The following EXOC6B variants were observed in gnomAD, a reference collection of about 807,000 sequenced individuals.
EXOC6B encodes the protein exocyst complex component 6B.
Under a neutral mutation model 113.5 loss-of-function variants are expected in EXOC6B, and 54 were observed. That is an observed-to-expected ratio of 0.48 (90% CI 0.38 to 0.60). The LOEUF (loss-of-function observed/expected upper bound fraction) is 0.60, where lower values mean the gene tolerates loss of function less well. EXOC6B is among the 20% of genes least tolerant of loss of function. The pLI is 0.00. For synonymous variants in EXOC6B, 357 were observed against 339.0 expected (o/e 1.05, Z -0.58); for missense variants, 797 against 977.5 (o/e 0.82, Z 2.46).
intron 20 of EXOC6B, among the ~76,000 whole-genome samples, chr2:72,333,833 T>A (rs1306522630): frequency 6.6e-6 from 1 of 152,102 alleles, no homozygotes; most frequent in African/African-American, 2.4e-5. Flanking sequence ...AGATGACAGA[T>A]TACACCACCC....
Position 72,693,469 on chromosome 2 carries a change from C to G in EXOC6B, c.669+24634G>C, listed in dbSNP as rs147062374. 4.3e-4 allele frequency among the ~76,000 whole-genome samples: 65 copies of G among 152,134 alleles called. 2 individuals are homozygous for G. In the East Asian group the frequency reaches 0.012, roughly 28 times the overall value. ...CTGCTGTGTATAGCTCTTTTCTTTG[C>G]CTATGAAGTTGTTTAAATTATGCCT... On this transcript the variant is annotated intron_variant, in intron 6 of 21. Transcript: ENST00000272427.
At position 72,229,154 on chromosome 2, in the gene EXOC6B, G is replaced by A. The variant is rs974157834; in HGVS notation, c.2197-44967C>T. ...TAAATTTGTTTCAAATAAATCTCAG[G>A]TTTCTTAGTATGAGTGACTGATTGA... is the stretch of plus-strand genomic sequence containing the variant. On this transcript the variant is annotated intron_variant, in intron 20 of 21. Coordinates refer to ENST00000272427, the MANE Select transcript of EXOC6B (RefSeq NM_015189.3). Among the ~76,000 whole-genome samples, 51 of 152,166 alleles carry A rather than the reference G, an allele frequency of 3.4e-4. 1 individual carries two copies. Among genetic ancestry groups the A allele is most frequent in the Middle Eastern group, 6.8e-3 (2 of 294 alleles).
At chr2:72,632,657 T>A (rs1445909575) in intron 6 of EXOC6B, among the ~76,000 whole-genome samples, 1 of 152,180 alleles carries the variant, frequency 6.6e-6, no homozygotes, top group Non-Finnish European at 1.5e-5. Context: ...AAAATACTTA[T>A]AAGTAAGTCT....
intron 6 of EXOC6B, among the ~76,000 whole-genome samples, chr2:72,674,751 A>G (rs1676166890): frequency 1.3e-5 from 2 of 152,086 alleles, no homozygotes; most frequent in South Asian, 2.1e-4. Context: ...GTGAGCCGAG[A>G]TGGCACCACT....
intron 6 of EXOC6B, among the ~76,000 whole-genome samples, chr2:72,630,557 A>G (rs759310810): frequency 9.2e-5 from 14 of 152,136 alleles, no homozygotes; most frequent in Middle Eastern, 3.2e-3. Context: ...CATGATCATG[A>G]CTTCTTCTCC....
At chr2:72,639,769 A>T (rs1381515520) in intron 6 of EXOC6B, among the ~76,000 whole-genome samples, 1 of 152,190 alleles carries the variant, frequency 6.6e-6, no homozygotes, top group Non-Finnish European at 1.5e-5. Flanking sequence ...TTGGCCCCCT[A>T]AAATCTTCCA....
intron 6 of EXOC6B, among the ~76,000 whole-genome samples, chr2:72,666,257 CA>C (rs1675380959): frequency 6.6e-6 from 1 of 152,152 alleles, no homozygotes; most frequent in East Asian, 1.9e-4. Context: ...AGAAAACTGA[CA>C]AAGAAACTCT....
At chr2:72,361,756 A>T (rs910294300) in intron 19 of EXOC6B, among the ~76,000 whole-genome samples, 13 of 152,168 alleles carry the variant, frequency 8.5e-5, no homozygotes, top group African/African-American at 2.9e-4. Context: ...CTCACACCTG[A>T]GTCAGAGGAG....
chr2:72,798,299 A>T (rs1299393316), intron 1 of EXOC6B, among the ~76,000 whole-genome samples: 3 of 152,124 alleles, frequency 2.0e-5, no homozygotes, highest in Non-Finnish European at 2.9e-5. Context: ...ATTACATCTA[A>T]TTTTTAACAA....
intron 6 of EXOC6B, among the ~76,000 whole-genome samples, chr2:72,590,227 T>G (rs1282266680): frequency 1.3e-5 from 2 of 151,982 alleles, no homozygotes; most frequent in Non-Finnish European, 2.9e-5. Context: ...CAAAGAAATT[T>G]TGATTATGAT....
At chr2:72,461,214 G>C (rs1484367905) in intron 18 of EXOC6B, among the ~76,000 whole-genome samples, 1 of 106,040 alleles carries the variant, frequency 9.4e-6, no homozygotes, top group African/African-American at 3.5e-5. Flanking sequence ...GTTGTGGGGT[G>C]GGGGGAGGGG....
At position 72,310,850 on chromosome 2, in the gene EXOC6B, AACACAC is replaced by A. The variant is rs375159478; in HGVS notation, c.2196+24091_2196+24096del. On this transcript the variant is annotated intron_variant, in intron 20 of 21. Transcript: ENST00000272427. The stretch of plus-strand genomic sequence containing the variant: ...GCATTTTACATGTGTTATTTCATTT[AACACAC>A]ACACACACACACACACACACACACA... Among the ~76,000 whole-genome samples the A allele has an allele frequency of 6.1e-3, 736 of 120,344 alleles. 5 individuals are homozygous for A. The highest frequency in any genetic ancestry group is 0.013 in the East Asian group (64 of 4,776). 79.0% of individuals were successfully genotyped at this position (120,344 alleles called of 152,430 possible). A position where few individuals can be genotyped will look rare whatever the true frequency, so the allele number is the denominator to read the frequency against.
chr2:72,216,820 A>G (rs1250679341), intron 20 of EXOC6B, among the ~76,000 whole-genome samples: 1 of 152,128 alleles, frequency 6.6e-6, no homozygotes, highest in African/African-American at 2.4e-5. Flanking sequence ...CAAACACCAC[A>G]TGTTCTCATT....
chr2:72,512,991 T>C (rs528725797), intron 11 of EXOC6B, 141 bp downstream of exon 11: 52 of 954,028 alleles, frequency 5.5e-5, no homozygotes, highest in Non-Finnish European at 6.8e-5. Context: ...TTGAAGCAGC[T>C]ACTTCTATGT....
At chr2:72,216,628 A>AT (rs1430762135) in intron 20 of EXOC6B, among the ~76,000 whole-genome samples, 1 of 152,206 alleles carries the variant, frequency 6.6e-6, no homozygotes, top group Non-Finnish European at 1.5e-5. Flanking sequence ...CACTATTCCA[A>AT]TAGCAAAGAC....
At chr2:72,785,312 T>C (rs367948968) in intron 1 of EXOC6B, among the ~76,000 whole-genome samples, 13 of 152,302 alleles carry the variant, frequency 8.5e-5, no homozygotes, top group African/African-American at 2.9e-4. Context: ...GGATCTATCA[T>C]TCTGGGGTCT....
chr2:72,650,419 G>T (rs1674075555), intron 6 of EXOC6B, among the ~76,000 whole-genome samples: 1 of 152,104 alleles, frequency 6.6e-6, no homozygotes, highest in South Asian at 2.1e-4. Context: ...GGCTAACACG[G>T]GGAAACCCCG....
chr2:72,230,543 A>T (rs1681553961), intron 20 of EXOC6B, among the ~76,000 whole-genome samples: 1 of 152,296 alleles, frequency 6.6e-6, no homozygotes, highest in East Asian at 1.9e-4. Flanking sequence ...AATACATAAC[A>T]ATGGATCCCC....
intron 1 of EXOC6B, among the ~76,000 whole-genome samples, chr2:72,754,396 CT>C (rs1468473533): frequency 1.3e-5 from 2 of 150,866 alleles, no homozygotes; most frequent in African/African-American, 4.9e-5. Flanking sequence ...ACACCAATTT[CT>C]TTTTTTTTCT....
Sources: allele counts gnomAD v4.1 joint callset (sites outside exome capture counted in the v4.1 genomes callset), GRCh38; gene constraint gnomAD v4.1.1; transcripts MANE v1.5; gene names NCBI Gene and HGNC (gene_info 2026-07-23, HGNC 2026-07-21).